PCDH15: variants seen among roughly 807,000 people sequenced by gnomAD.
PCDH15 encodes the protein protocadherin related 15.
PCDH15 carries 129 observed loss-of-function variants against 178.5 expected under a neutral mutation model. The ratio of observed to expected loss-of-function variants is 0.72; its 90% CI spans 0.63 to 0.84. The LOEUF is 0.84. Among genes scored for constraint, PCDH15 ranks in the 40% least tolerant of loss-of-function variants. The pLI is 0.00. For missense variants in PCDH15, 2,230 were observed against 2,099.9 expected, an observed-to-expected ratio of 1.06 and a Z score of -1.21; for synonymous variants, 800 against 732.0, an observed-to-expected ratio of 1.09 and a Z score of -1.50.
chr10:55,386,304 A>T (rs1837657759), intron 2 of PCDH15, among the ~76,000 whole-genome samples: 1 of 152,062 alleles, frequency 6.6e-6, no homozygotes, highest in Non-Finnish European at 1.5e-5. Flanking sequence ...TTCAGAAATA[A>T]AATTTTAAAA....
intron 2 of PCDH15, among the ~76,000 whole-genome samples, chr10:55,144,899 AT>A (rs538434672): frequency 1.3e-5 from 2 of 151,912 alleles, no homozygotes; most frequent in South Asian, 2.1e-4. Context: ...GACTTCACAT[AT>A]TTTTTTCCAA....
At chr10:54,215,469 G>GA (rs1419370737) in intron 9 of PCDH15, among the ~76,000 whole-genome samples, 4 of 152,114 alleles carry the variant, frequency 2.6e-5, no homozygotes, top group African/African-American at 9.7e-5. Flanking sequence ...GAGTCATACA[G>GA]AAAATCATAG....
intron 1 of PCDH15, among the ~76,000 whole-genome samples, chr10:55,230,777 A>G (rs1275060909): frequency 6.6e-6 from 1 of 151,990 alleles, no homozygotes; most frequent in Non-Finnish European, 1.5e-5. Context: ...ATAGAAAGAG[A>G]GACTAAAATT....
intron 1 of PCDH15, among the ~76,000 whole-genome samples, chr10:55,198,825 T>G (rs1840165351): frequency 6.6e-6 from 1 of 152,044 alleles, no homozygotes. Flanking sequence ...CTTCCCCCTT[T>G]GCTCTCCCTC....
At chr10:53,813,075 T>C (rs1002938845) in intron 35 of PCDH15, among the ~76,000 whole-genome samples, 3 of 152,130 alleles carry the variant, frequency 2.0e-5, no homozygotes, top group Admixed American at 1.3e-4. Context: ...ACTGTGGATG[T>C]TGGTTTCTCT....
intron 15 of PCDH15, among the ~76,000 whole-genome samples, chr10:54,126,373 T>A (rs2041992623): frequency 6.6e-6 from 1 of 152,032 alleles, no homozygotes; most frequent in Admixed American, 6.6e-5. Context: ...ATTTACCTGC[T>A]ATCTCATTTA....
chr10:54,722,083 G>T (rs934230921), intron 1 of PCDH15, among the ~76,000 whole-genome samples: 2 of 151,508 alleles, frequency 1.3e-5, no homozygotes, highest in Admixed American at 6.6e-5. Flanking sequence ...AATAAATACG[G>T]TTTACCACAT....
At chr10:55,009,349 A>C (rs1349780289) in intron 2 of PCDH15, among the ~76,000 whole-genome samples, 2 of 152,030 alleles carry the variant, frequency 1.3e-5, no homozygotes, top group Non-Finnish European at 2.9e-5. Flanking sequence ...GAAGGTTATA[A>C]TACTTGAAAG....
chr10:54,960,729 T>C (rs1838623894), intron 2 of PCDH15, among the ~76,000 whole-genome samples: 2 of 152,208 alleles, frequency 1.3e-5, no homozygotes, highest in Non-Finnish European at 2.9e-5. Flanking sequence ...TAGAAATAGA[T>C]GACTGAATGC....
At chr10:54,748,826 T>G (rs1945810913) in intron 1 of PCDH15, among the ~76,000 whole-genome samples, 1 of 152,180 alleles carries the variant, frequency 6.6e-6, no homozygotes, top group Non-Finnish European at 1.5e-5. Flanking sequence ...GATTTTTCTT[T>G]TAAATGCTGT....
At chr10:55,589,061 G>C (rs1285597874) in intron 2 of PCDH15, among the ~76,000 whole-genome samples, 1 of 124,102 alleles carries the variant, frequency 8.1e-6, no homozygotes, top group Non-Finnish European at 1.6e-5. Flanking sequence ...AGCCTGGGCA[G>C]CAAGAGCAAA....
Position 54,185,171 on chromosome 10 carries a change from G to A in PCDH15, c.1403C>T (p.Pro468Leu). ...AGTTTGCTGTTCTTCCCTGTCCACT[G>A]GTTGAAGTAAGGTGAGGTAGCGAGT... The part of the protein sequence containing the change: ...GITRYLTLLQ[P>L]VDREEQQTYT... Residue 468 changes from proline to leucine, a missense_variant, in exon 12 of 38, where the codon CCA (proline) becomes CTA (leucine). By Grantham distance (98) the Pro-to-Leu change is moderately conservative. Coordinates refer to ENST00000644397, the MANE Select transcript of PCDH15 (RefSeq NM_001384140.1). The A allele has an allele frequency of 6.2e-7, 1 of 1,613,568 alleles. No individual in the cohort carries two copies. Among genetic ancestry groups the A allele is most frequent in the Non-Finnish European group, 8.5e-7 (1 of 1,179,672 alleles).
chr10:55,092,782 G>A (rs1165437361), intron 2 of PCDH15, among the ~76,000 whole-genome samples: 12 of 151,802 alleles, frequency 7.9e-5, no homozygotes, highest in Admixed American at 7.9e-4. Flanking sequence ...GTAAGTTTAT[G>A]TAATATAAAT....
At chr10:55,160,243 T>C (rs1564849997) in intron 2 of PCDH15, among the ~76,000 whole-genome samples, 1 of 151,900 alleles carries the variant, frequency 6.6e-6, no homozygotes, top group Non-Finnish European at 1.5e-5. Flanking sequence ...GCACAATGAC[T>C]AGAGAGTCAG....
intron 8 of PCDH15, among the ~76,000 whole-genome samples, chr10:54,284,799 C>A (rs147620677): frequency 6.6e-6 from 1 of 152,106 alleles, no homozygotes; most frequent in Non-Finnish European, 1.5e-5. Context: ...TTATCTAAGA[C>A]CCTTTTGCCT....
chr10:55,627,208 C>G (rs1181192457), intron 2 of PCDH15, among the ~76,000 whole-genome samples: 5 of 140,594 alleles, frequency 3.6e-5, no homozygotes, highest in Admixed American at 7.8e-5. Flanking sequence ...ATTAAGAAAA[C>G]TTGCATGGGG....
intron 2 of PCDH15, among the ~76,000 whole-genome samples, chr10:55,557,877 T>G (rs940482926): frequency 6.6e-6 from 1 of 152,236 alleles, no homozygotes; most frequent in African/African-American, 2.4e-5. Flanking sequence ...CTTAGTGGTC[T>G]GGGTATACAG....
At chr10:55,426,827 C>A (rs1401558140) in intron 2 of PCDH15, among the ~76,000 whole-genome samples, 1 of 152,144 alleles carries the variant, frequency 6.6e-6, no homozygotes, top group African/African-American at 2.4e-5. Context: ...CCGGCCACCT[C>A]TGGCCAATTT....
chr10:54,711,884 A>G (rs759141326), intron 1 of PCDH15, among the ~76,000 whole-genome samples: 2 of 151,956 alleles, frequency 1.3e-5, no homozygotes, highest in East Asian at 1.9e-4. Context: ...TTTGCAATGT[A>G]TAATATCTTC....
Sources: gnomAD v4.1 joint callset for allele counts (sites outside exome capture counted in the v4.1 genomes callset) on GRCh38, gnomAD v4.1.1 for gene constraint, MANE v1.5 for transcripts, NCBI Gene and HGNC (gene_info 2026-07-23, HGNC 2026-07-21) for gene names.